MINDY3: variants seen among roughly 807,000 people sequenced by gnomAD.
The protein encoded by MINDY3 is ubiquitin carboxyl-terminal hydrolase MINDY-3.
Under a neutral mutation model 69.2 loss-of-function variants are expected in MINDY3, and 38 were observed. The observed-to-expected ratio is 0.55, with a 90% CI of 0.42 to 0.72. MINDY3 has a LOEUF of 0.72. MINDY3 is among the 30% of genes least tolerant of loss of function. The probability of loss-of-function intolerance (pLI) is 0.00; values close to 1 mark genes in which losing one functional copy is unlikely to be tolerated. For missense variants in MINDY3, 522 were observed against 519.0 expected (o/e 1.01, Z -0.06); for synonymous variants, 192 against 180.1 (o/e 1.07, Z -0.53).
intron 10 of MINDY3, among the ~76,000 whole-genome samples, chr10:15,812,663 A>G (rs778194528): frequency 2.5e-4 from 38 of 152,212 alleles, no homozygotes; most frequent in Non-Finnish European, 4.3e-4. Flanking sequence ...GAAGAAAGTC[A>G]TGTCAGAGAA....
chr10:15,803,706 C>T (rs1056138603), intron 10 of MINDY3, among the ~76,000 whole-genome samples: 2 of 152,044 alleles, frequency 1.3e-5, no homozygotes, highest in Admixed American at 6.6e-5. Flanking sequence ...AGGTCGCAGT[C>T]TAATAGAACA....
chr10:15,844,497 T>C (rs1445257314), intron 2 of MINDY3, among the ~76,000 whole-genome samples: 1 of 152,334 alleles, frequency 6.6e-6, no homozygotes, highest in Middle Eastern at 3.4e-3. Context: ...TTCTACAGAA[T>C]TCGTAAGCAT....
intron 8 of MINDY3, among the ~76,000 whole-genome samples, chr10:15,823,859 C>A (rs1275986380): frequency 3.9e-5 from 6 of 152,136 alleles, no homozygotes; most frequent in African/African-American, 1.4e-4. Context: ...TCCATGTGAT[C>A]AAATTTGTTT....
chr10:15,812,586 T>G (rs1245409450), intron 10 of MINDY3, among the ~76,000 whole-genome samples: 1 of 152,158 alleles, frequency 6.6e-6, no homozygotes, highest in Admixed American at 6.6e-5. Context: ...ACTAAGCAGT[T>G]TCTACGTGGT....
intron 1 of MINDY3, among the ~76,000 whole-genome samples, chr10:15,853,435 T>A (rs778735658): frequency 7.9e-5 from 12 of 152,030 alleles, no homozygotes; most frequent in Non-Finnish European, 1.8e-4. Context: ...CATTGCTGGT[T>A]CCTTAGCATA....
intron 1 of MINDY3, among the ~76,000 whole-genome samples, chr10:15,853,807 G>A (rs1025694246): frequency 6.6e-6 from 1 of 151,612 alleles, no homozygotes; most frequent in Non-Finnish European, 1.5e-5. Flanking sequence ...TCAGACTTGA[G>A]TATCTGGCTG....
intron 6 of MINDY3, among the ~76,000 whole-genome samples, chr10:15,836,688 T>C (rs952311771): frequency 2.0e-5 from 3 of 151,026 alleles, no homozygotes; most frequent in Non-Finnish European, 4.4e-5. Flanking sequence ...GAAATATCCA[T>C]AAAAGGCATA....
In MINDY3 at chr10:15,816,849, C is replaced by T. The variant is rs773192645; in HGVS notation, c.868G>A (p.Val290Ile). 2.2e-5 allele frequency: 35 copies of T among 1,611,672 alleles called. No individual in the cohort carries two copies. The highest frequency in any genetic ancestry group is 5.5e-5 in the South Asian group (5 of 90,848). ...TATAAGCATACCTTGGCAAAAAATACGGTGAGGTGAGTCTCACTGCCAACA... is the reference window on the plus strand; with the variant it reads ...TATAAGCATACCTTGGCAAAAAATATGGTGAGGTGAGTCTCACTGCCAACA... ...WIVGSETHLT[V>I]FFAKDMALVA... The change falls in exon 10 of 15, where the codon GTA becomes ATA. Residue 290 changes from valine to isoleucine, a missense_variant. Transcript: ENST00000277632.
At chr10:15,835,100 T>C (rs2132062458) in intron 6 of MINDY3, among the ~76,000 whole-genome samples, 1 of 152,206 alleles carries the variant, frequency 6.6e-6, no homozygotes, top group African/African-American at 2.4e-5. Flanking sequence ...GGTTTACTTC[T>C]GATTGTACTT....
At chr10:15,858,240 C>A (rs988793335) in intron 1 of MINDY3, among the ~76,000 whole-genome samples, 1 of 152,034 alleles carries the variant, frequency 6.6e-6, no homozygotes, top group Admixed American at 6.5e-5. Context: ...ACTAACTGCA[C>A]CCTGTAAACG....
intron 12 of MINDY3, among the ~76,000 whole-genome samples, chr10:15,788,337 T>TAGTA (rs1374477488): frequency 6.6e-6 from 1 of 152,278 alleles, no homozygotes; most frequent in Middle Eastern, 3.4e-3. Flanking sequence ...CAGCTCTGAG[T>TAGTA]AGTAAGCTTG....
At chr10:15,795,537 A>G (rs147696405) in intron 11 of MINDY3, among the ~76,000 whole-genome samples, 27 of 152,182 alleles carry the variant, frequency 1.8e-4, no homozygotes, top group Admixed American at 3.3e-4. Context: ...TAGCTATAAT[A>G]AAGTCTTAAC....
chr10:15,799,968 T>C (rs576010489), intron 10 of MINDY3, among the ~76,000 whole-genome samples: 29 of 152,268 alleles, frequency 1.9e-4, no homozygotes, highest in African/African-American at 5.1e-4. Flanking sequence ...TGAAAACTTA[T>C]GGAAGCAGAT....
At chr10:15,780,257 C>A (rs1588490551) in intron 14 of MINDY3, among the ~76,000 whole-genome samples, 1 of 152,208 alleles carries the variant, frequency 6.6e-6, no homozygotes. Context: ...TGTCATGAAT[C>A]TACTCATTCC....
At chr10:15,848,663 G>A (rs7072209) in intron 1 of MINDY3, among the ~76,000 whole-genome samples, 15,864 of 59,938 alleles carry the variant, frequency 0.26, 1,536 homozygotes, top group African/African-American at 0.42. Flanking sequence ...AAAAAAAAAA[G>A]AAAGAAAAAT....
chr10:15,787,200 A>G (rs750279574), intron 12 of MINDY3, among the ~76,000 whole-genome samples: 1 of 152,172 alleles, frequency 6.6e-6, no homozygotes, highest in Non-Finnish European at 1.5e-5. Context: ...CTAATGCGTC[A>G]TGAATGACAG....
chr10:15,779,241 A>G (rs1036473036), intron 14 of MINDY3, 100 bp from the exon 15 acceptor site: 13 of 917,744 alleles, frequency 1.4e-5, no homozygotes, highest in Non-Finnish European at 1.7e-5. Context: ...AAGGTATTAC[A>G]TAGTTTCAGA....
intron 8 of MINDY3, among the ~76,000 whole-genome samples, chr10:15,824,969 A>C (rs1588597098): frequency 6.6e-6 from 1 of 152,212 alleles, no homozygotes; most frequent in South Asian, 2.1e-4. Context: ...TTTCAAGAGC[A>C]TCACACTAGG....
intron 1 of MINDY3, among the ~76,000 whole-genome samples, chr10:15,848,716 C>T (rs1834053167): frequency 6.7e-6 from 1 of 148,506 alleles, no homozygotes; most frequent in African/African-American, 2.5e-5. Context: ...ATTGGCTTTA[C>T]CTTAATTTAA....
Sources: gnomAD v4.1 joint callset for allele counts (sites outside exome capture counted in the v4.1 genomes callset) on GRCh38, gnomAD v4.1.1 for gene constraint, MANE v1.5 for transcripts, NCBI Gene and HGNC (gene_info 2026-07-23, HGNC 2026-07-21) for gene names.